Variants in BCAS3 observed in about 807,000 individuals in gnomAD.
BCAS3 encodes BCAS4/BCAS3 fusion.
A neutral mutation model predicts 116.1 loss-of-function variants in BCAS3; 53 were observed. The ratio of observed to expected loss-of-function variants is 0.46; its 90% CI spans 0.37 to 0.57. BCAS3 has a LOEUF of 0.57. Ranked by LOEUF, BCAS3 falls within the 20% of genes least tolerant of loss-of-function variation. The pLI is 0.00. For missense variants in BCAS3, 917 were observed against 1,165.4 expected, an observed-to-expected ratio of 0.79 and a Z score of 3.10; for synonymous variants, 391 against 408.2, an observed-to-expected ratio of 0.96 and a Z score of 0.51.
At chr17:61,329,351 T>A (rs2143088181) in intron 22 of BCAS3, among the ~76,000 whole-genome samples, 1 of 148,748 alleles carries the variant, frequency 6.7e-6, no homozygotes. Context: ...TTATTTTTTT[T>A]TTTTTTTGAG....
intron 19 of BCAS3, among the ~76,000 whole-genome samples, chr17:61,042,891 CAAAA>C (rs35629825): frequency 4.0e-3 from 235 of 58,266 alleles, no homozygotes; most frequent in Middle Eastern, 0.011. Context: ...CTCCATCTCA[CAAAA>C]AAAAAAAAAA....
chr17:61,267,364 T>A (rs145504036), intron 22 of BCAS3, among the ~76,000 whole-genome samples: 1 of 152,148 alleles, frequency 6.6e-6, no homozygotes, highest in Non-Finnish European at 1.5e-5. Context: ...GCTGGAAAGT[T>A]AATTTTTAAA....
rs184257796 is a variant in BCAS3 at position 61,368,867 on chromosome 17, C to T, written c.2593+373C>T. ...GCTGGAGACTTAGAGATTGGCAAGT[C>T]TCAGTAGGGCCTGCCAACCTGAGCG... On this transcript the variant is annotated intron_variant, in intron 23 of 23. Coordinates refer to ENST00000407086, the MANE Select transcript of BCAS3 (RefSeq NM_017679.5). This position sits in a 1 kb window ranked among gnomAD's most constrained non-coding sequence, Gnocchi z 6.0. Among the ~76,000 whole-genome samples, 1 of 152,202 alleles carries T rather than the reference C, an allele frequency of 6.6e-6. No individual in the cohort carries two copies. The highest frequency in any genetic ancestry group is 1.5e-5 in the Non-Finnish European group (1 of 68,038).
rs1439438125 is a variant in BCAS3, at chr17:61,173,700, A to G, written c.2425+89136A>G. Among the ~76,000 whole-genome samples, 4 of 152,062 alleles carry G rather than the reference A, an allele frequency of 2.6e-5. No homozygotes were observed. The East Asian group carries it at 7.8e-4, about 30-fold the overall frequency. ...TTGAGACCAGCTTGGGCAACATAGG[A>G]AGACCTCACCTCTATAAAACAATTT... On this transcript the variant is annotated intron_variant, in intron 22 of 23. Coordinates refer to ENST00000407086, the MANE Select transcript of BCAS3 (RefSeq NM_017679.5).
chr17:60,855,517 A>G (rs535767194), intron 7 of BCAS3, among the ~76,000 whole-genome samples: 2 of 117,524 alleles, frequency 1.7e-5, no homozygotes, highest in South Asian at 5.3e-4. Context: ...TGCAGTGGTG[A>G]GATCTCGGCT....
intron 22 of BCAS3, among the ~76,000 whole-genome samples, chr17:61,223,633 C>G (rs963634259): frequency 1.3e-5 from 2 of 152,124 alleles, no homozygotes; most frequent in Non-Finnish European, 2.9e-5. Context: ...CAATAACTAG[C>G]TAAAAGATAT....
rs1451671905 is a variant in BCAS3, at chr17:61,390,144, C to T, written c.2594-1833C>T. On this transcript the variant is annotated intron_variant, in intron 23 of 23. Transcript: ENST00000407086. This position sits in a 1 kb window ranked among gnomAD's most constrained non-coding sequence, Gnocchi z 6.8. ...GCCCCCTAGTGCCGGGCCGGCCGCG[C>T]ATGAGGGCGGTGGGACAGATCGCCC... 1 of 152,284 alleles carries T rather than the reference C, an allele frequency of 6.6e-6. No homozygotes were observed. Among genetic ancestry groups the T allele is most frequent in the African/African-American group, 2.4e-5 (1 of 41,470 alleles). 9.4% of individuals were successfully genotyped at this position (152,284 alleles called of 1,614,324 possible).
At position 61,313,853 on chromosome 17, in the gene BCAS3, G is replaced by A. The variant is rs575483072; in HGVS notation, c.2426-54474G>A. Among the ~76,000 whole-genome samples, 3 of 152,190 alleles carry A rather than the reference G, an allele frequency of 2.0e-5. No homozygotes were observed. Among genetic ancestry groups the A allele is most frequent in the African/African-American group, 4.8e-5 (2 of 41,432 alleles). On this transcript the variant is annotated intron_variant, in intron 22 of 23. Transcript: ENST00000407086. The surrounding 1 kb of genome is among the most constrained non-coding windows in gnomAD (Gnocchi z 4.3). The stretch of plus-strand genomic sequence containing the variant: ...CAAGCAAGAGATGTTTCAATGCCGC[G>A]GAGCCAGTGACCACACGTGGGCCTG...
At chr17:60,703,911 C>T (rs1001655080) in intron 4 of BCAS3, among the ~76,000 whole-genome samples, 63 of 140,988 alleles carry the variant, frequency 4.5e-4, no homozygotes, top group African/African-American at 1.5e-3. Context: ...AGACAGACAC[C>T]GTCTCAAAAA....
At position 61,259,946 on chromosome 17, in the gene BCAS3, G is replaced by A. The variant is rs1413980322; in HGVS notation, c.2426-108381G>A. The stretch of plus-strand genomic sequence containing the variant: ...AATAGCCACTATTTATTGAATTGCT[G>A]TGTGAGGTAGGCGTTGTACAGGCTG... On this transcript the variant is annotated intron_variant, in intron 22 of 23. Transcript: ENST00000407086. This position sits in a 1 kb window ranked among gnomAD's most constrained non-coding sequence, Gnocchi z 4.7. Among the ~76,000 whole-genome samples the A allele has an allele frequency of 6.6e-6, 1 of 152,212 alleles. No homozygotes were observed. The highest frequency in any genetic ancestry group is 2.4e-5 in the African/African-American group (1 of 41,448).
At chr17:61,250,033 G>C (rs920537986) in intron 22 of BCAS3, among the ~76,000 whole-genome samples, 2 of 152,122 alleles carry the variant, frequency 1.3e-5, no homozygotes, top group African/African-American at 2.4e-5. Flanking sequence ...AGAAGGTTAC[G>C]AAATGGCCCT....
At chr17:60,973,905 T>G (rs2062133846) in intron 14 of BCAS3, among the ~76,000 whole-genome samples, 1 of 152,114 alleles carries the variant, frequency 6.6e-6, no homozygotes, top group Admixed American at 6.5e-5. Flanking sequence ...AAATATTTTT[T>G]CTGTAATTTC....
rs965655982 is a variant in BCAS3, at chr17:61,084,722, G to C, written c.2425+158G>C. ...ATACAGTACTGTGCCTATATTTCTT[G>C]CTGAACAATGCCATGCTTTTAAGCA... On this transcript the variant is annotated intron_variant, in intron 22 of 23. Transcript: ENST00000407086. The surrounding 1 kb of genome is among the most constrained non-coding windows in gnomAD (Gnocchi z 5.5). 1.3e-5 allele frequency among the ~76,000 whole-genome samples: 2 copies of C among 152,132 alleles called. No individual in the cohort carries two copies. The highest frequency in any genetic ancestry group is 2.9e-5 in the Non-Finnish European group (2 of 68,030).
At chr17:60,907,016 AT>A (rs1357310257) in intron 11 of BCAS3, among the ~76,000 whole-genome samples, 2 of 152,154 alleles carry the variant, frequency 1.3e-5, no homozygotes, top group East Asian at 3.9e-4. Context: ...TGAATTATTA[AT>A]TTTTTTGTCT....
intron 5 of BCAS3, among the ~76,000 whole-genome samples, chr17:60,730,661 G>C (rs115928577): frequency 0.032 from 4,834 of 152,162 alleles, 241 homozygotes; most frequent in African/African-American, 0.11. Flanking sequence ...TTTCCTCAAA[G>C]TATGCTATCT....
intron 22 of BCAS3, among the ~76,000 whole-genome samples, chr17:61,359,738 A>G (rs1248873220): frequency 1.3e-5 from 2 of 152,054 alleles, no homozygotes; most frequent in Non-Finnish European, 2.9e-5. Flanking sequence ...TGATCCGCCC[A>G]CCTTGGCCTC....
intron 6 of BCAS3, among the ~76,000 whole-genome samples, chr17:60,751,523 GTTTC>G (rs139012519): frequency 0.74 from 110,369 of 149,608 alleles, 45,911 homozygotes; most frequent in South Asian, 0.98. Flanking sequence ...TTTTTAATTT[GTTTC>G]TTTTTTTTCT....
At chr17:60,937,190 G>A (rs2145207999) in intron 13 of BCAS3, among the ~76,000 whole-genome samples, 1 of 151,830 alleles carries the variant, frequency 6.6e-6, no homozygotes, top group South Asian at 2.1e-4. Flanking sequence ...CATTATTTCT[G>A]AGGGTCACTG....
intron 7 of BCAS3, among the ~76,000 whole-genome samples, chr17:60,858,337 T>C (rs959424699): frequency 6.6e-6 from 1 of 151,962 alleles, no homozygotes; most frequent in Non-Finnish European, 1.5e-5. Flanking sequence ...CTCCTTTCCC[T>C]CTCTCTTGCA....
Sources: allele counts gnomAD v4.1 joint callset (sites outside exome capture counted in the v4.1 genomes callset), GRCh38; gene constraint gnomAD v4.1.1; non-coding constraint Gnocchi (gnomAD v3.1); transcripts MANE v1.5; gene names NCBI Gene and HGNC (gene_info 2026-07-23, HGNC 2026-07-21).